Variants in CD96 observed in about 807,000 individuals in gnomAD.
The protein encoded by CD96 is CD96 molecule.
In CD96, 70 loss-of-function variants were observed where a neutral mutation model predicts 71.3. The ratio of observed to expected loss-of-function variants is 0.98; its 90% CI spans 0.81 to 1.20. CD96 has a LOEUF of 1.20. Among genes scored for constraint, CD96 ranks in the 50% most tolerant of loss-of-function variants. CD96 has a pLI of 0.00. For synonymous variants in CD96, 248 were observed against 233.0 expected, an observed-to-expected ratio of 1.06 and a Z score of -0.59; for missense variants, 742 against 677.5, an observed-to-expected ratio of 1.10 and a Z score of -1.06.
At chr3:111,593,449 C>A in intron 5 of CD96, 2 of 1,433,096 alleles carry the variant, frequency 1.4e-6, no homozygotes, top group Non-Finnish European at 1.8e-6. Flanking sequence ...CAAAATGTCA[C>A]CAAACTACTT....
intron 10 of CD96, among the ~76,000 whole-genome samples, chr3:111,625,939 C>T (rs1000961154): frequency 6.6e-6 from 1 of 152,034 alleles, no homozygotes; most frequent in African/African-American, 2.4e-5. Context: ...AAATTAATAA[C>T]AAATATGACA....
intron 3 of CD96, 108 bp from the exon 4 acceptor site, chr3:111,578,919 T>C: frequency 1.3e-6 from 1 of 740,922 alleles, no homozygotes; most frequent in Admixed American, 1.9e-5. Context: ...AATCCTTCAT[T>C]CTTCCTCTCT....
chr3:111,559,082 T>C (rs1449553421), intron 2 of CD96, among the ~76,000 whole-genome samples: 1 of 151,850 alleles, frequency 6.6e-6, no homozygotes, highest in African/African-American at 2.4e-5. Flanking sequence ...ATTGTGTCTA[T>C]TTGATTCTTC....
chr3:111,651,847 A>C lies in CD96; in HGVS notation c.*2041A>C, dbSNP rs1049713410. ...CAGTGAGCCGAGATTGTGCCACTGC[A>C]CACTCCAATCTGGGTGAAAGACCGA... On this transcript the variant is annotated 3_prime_UTR_variant, in exon 14 of 14. Transcript: ENST00000352690. The C allele has an allele frequency of 6.6e-6, 1 of 151,164 alleles. No individual in the cohort carries two copies. The highest frequency in any genetic ancestry group is 2.4e-5 in the African/African-American group (1 of 40,962). The allele number at this position is 151,164 out of a possible 1,614,324, so 9.4% of individuals were successfully genotyped here. A position where few individuals can be genotyped will look rare whatever the true frequency, so the allele number is the denominator to read the frequency against.
At chr3:111,658,031 T>G (rs1240259670) in intron 14 of CD96, among the ~76,000 whole-genome samples, 3 of 152,222 alleles carry the variant, frequency 2.0e-5, no homozygotes, top group Non-Finnish European at 4.4e-5. Flanking sequence ...AGAGCATACC[T>G]AGCATCCGCA....
At chr3:111,617,274 C>A (rs1262378430) in intron 8 of CD96, among the ~76,000 whole-genome samples, 1 of 152,220 alleles carries the variant, frequency 6.6e-6, no homozygotes, top group Non-Finnish European at 1.5e-5. Flanking sequence ...GAAACCCCAC[C>A]TTCAGGCCAG....
Position 111,545,287 on chromosome 3 carries a change from G to C in CD96, c.303G>C (p.Trp101Cys). 6.2e-7 allele frequency: 1 copy of C among 1,614,064 alleles called. No homozygotes were observed. The highest frequency in any genetic ancestry group is 8.5e-7 in the Non-Finnish European group (1 of 1,179,932). Residue 101 changes from tryptophan to cysteine, a missense_variant, in exon 2 of 14, where the codon TGG (tryptophan) becomes TGC (cysteine). Trp to Cys is a radical substitution (Grantham distance 215). Transcript: ENST00000352690. ...AAACTCCTGAGAATGGGTCAAAATG[G>C]ACTCTGCACTTAAGGAATATGTCTT... The part of the protein sequence containing the change: ...FTETPENGSK[W>C]TLHLRNMSCS...
chr3:111,593,683 AGCCCTCTCCCGCCATTCCACT>A (rs1937105588), intron 5 of CD96: 2 of 1,611,600 alleles, frequency 1.2e-6, no homozygotes, highest in Middle Eastern at 1.6e-4. Context: ...TTTTTTCCAC[AGCCCTCTCCCGCCATTCCACT>A]GCCCTTTCCC....
intron 7 of CD96, among the ~76,000 whole-genome samples, chr3:111,604,400 C>CT (rs1937568204): frequency 6.6e-6 from 1 of 152,166 alleles, no homozygotes; most frequent in Non-Finnish European, 1.5e-5. Context: ...ACTGTCTCTC[C>CT]TTTTTAGGTT....
chr3:111,564,393 CT>C (rs1935604613), intron 2 of CD96, among the ~76,000 whole-genome samples: 1 of 151,774 alleles, frequency 6.6e-6, no homozygotes, highest in South Asian at 2.1e-4. Flanking sequence ...TGAAAATGAA[CT>C]TCAATGAATT....
chr3:111,626,539 G>A (rs188743521), intron 10 of CD96, among the ~76,000 whole-genome samples: 1 of 152,182 alleles, frequency 6.6e-6, no homozygotes, highest in East Asian at 1.9e-4. Context: ...TTTCAAAGCT[G>A]AATATGTGCA....
chr3:111,635,166 C>T (rs1487017472), intron 10 of CD96: 1 of 153,226 alleles, frequency 6.5e-6, no homozygotes, highest in Non-Finnish European at 1.5e-5. Context: ...ATCTCTTCAT[C>T]TTGCTGAAAG....
chr3:111,567,752 C>T (rs1935789153), intron 3 of CD96, 105 bp downstream of exon 3: 1 of 1,043,884 alleles, frequency 9.6e-7, no homozygotes, highest in Non-Finnish European at 1.5e-6. Context: ...AAATAACAGG[C>T]AGGCATTATG....
chr3:111,592,604 T>C (rs1278254588), intron 5 of CD96, among the ~76,000 whole-genome samples: 2 of 152,222 alleles, frequency 1.3e-5, no homozygotes, highest in East Asian at 3.8e-4. Context: ...ATTTCTTCTC[T>C]ATCCCATTTA....
chr3:111,582,798 C>T (rs557658610), intron 4 of CD96, among the ~76,000 whole-genome samples: 147 of 152,166 alleles, frequency 9.7e-4, no homozygotes, highest in Non-Finnish European at 1.7e-3. Flanking sequence ...ATGGTAAAGA[C>T]CAGCCCTCAT....
rs141659928 is a variant in CD96, at chr3:111,644,555, G to A, written c.1478-2988G>A. On this transcript the variant is annotated intron_variant, in intron 12 of 13. Transcript: ENST00000352690. ...CTAAAGAGCTTTTCCACAGCAAAAG[G>A]AACAGTCAGCAGAGTAAACAGATGA... Among the ~76,000 whole-genome samples, 1,146 of 151,976 alleles carry A rather than the reference G, an allele frequency of 7.5e-3. 16 individuals are homozygous for A. Among genetic ancestry groups the A allele is most frequent in the African/African-American group, 0.026 (1,086 of 41,452 alleles).
At chr3:111,626,820 G>A (rs1310921486) in intron 10 of CD96, among the ~76,000 whole-genome samples, 1 of 152,118 alleles carries the variant, frequency 6.6e-6, no homozygotes, top group Non-Finnish European at 1.5e-5. Context: ...GAATTAAAAA[G>A]TAAATACCAA....
At chr3:111,655,416 A>G (rs1940205550), downstream of CD96, among the ~76,000 whole-genome samples, 1 of 152,212 alleles carries the variant, frequency 6.6e-6, no homozygotes, top group African/African-American at 2.4e-5. Context: ...ACAAATATAT[A>G]CAGTACAGTG....
chr3:111,647,519 C>A, intron 12 of CD96, 24 bp from the exon 13 acceptor site: 2 of 1,609,412 alleles, frequency 1.2e-6, no homozygotes, highest in South Asian at 2.2e-5. Flanking sequence ...GATTAAAGTT[C>A]ATCTTTCTTT....
Sources: gnomAD v4.1 joint callset for allele counts (sites outside exome capture counted in the v4.1 genomes callset) on GRCh38, gnomAD v4.1.1 for gene constraint, MANE v1.5 for transcripts, NCBI Gene and HGNC (gene_info 2026-07-23, HGNC 2026-07-21) for gene names.